Variants in N4BP1 observed in about 807,000 individuals in gnomAD.
The protein encoded by N4BP1 is NEDD4-binding protein 1.
In N4BP1, 21 loss-of-function variants were observed where a neutral mutation model predicts 70.9. The observed-to-expected ratio is 0.30, with a 90% CI of 0.21 to 0.43. The LOEUF (loss-of-function observed/expected upper bound fraction) is 0.43, where lower values mean the gene tolerates loss of function less well. Ranked by LOEUF, N4BP1 falls within the 20% of genes least tolerant of loss-of-function variation. The probability of loss-of-function intolerance (pLI) is 1.00; values close to 1 mark genes in which losing one functional copy is unlikely to be tolerated. For synonymous variants in N4BP1, 387 were observed against 394.6 expected, an observed-to-expected ratio of 0.98 and a Z score of 0.23; for missense variants, 936 against 1,069.4, an observed-to-expected ratio of 0.88 and a Z score of 1.74.
At chr16:48,585,690 C>T (rs922753585) in intron 1 of N4BP1, among the ~76,000 whole-genome samples, 1 of 151,314 alleles carries the variant, frequency 6.6e-6, no homozygotes, top group African/African-American at 2.4e-5. Context: ...AGGCATGTGC[C>T]ATCATGCCTG....
intron 1 of N4BP1, among the ~76,000 whole-genome samples, chr16:48,593,559 A>G (rs1223097855): frequency 6.6e-6 from 1 of 152,248 alleles, no homozygotes; most frequent in African/African-American, 2.4e-5. Flanking sequence ...CTGTTTTTCC[A>G]TAAATTGAAC....
Position 48,542,730 on chromosome 16 carries a change from AAAAAAGCTGGTTTT to A in N4BP1, c.*160_*173del, listed in dbSNP as rs749637417. 8 of 510,250 alleles carry A rather than the reference AAAAAAGCTGGTTTT, an allele frequency of 1.6e-5. No homozygotes were observed. The highest frequency in any genetic ancestry group is 2.4e-5 in the Non-Finnish European group (7 of 295,970). 31.6% of individuals were successfully genotyped at this position (510,250 alleles called of 1,614,324 possible). A position where few individuals can be genotyped will look rare whatever the true frequency, so the allele number is the denominator to read the frequency against. ...TAATAGCAGCATAATTTATATATAG[AAAAAAGCTGGTTTT>A]GAAAACCCAGATTTATACCCAAAAC... On this transcript the variant is annotated 3_prime_UTR_variant, in exon 7 of 7. Coordinates refer to ENST00000262384, the MANE Select transcript of N4BP1 (RefSeq NM_153029.4).
chr16:48,572,102 G>A (rs1597101168), intron 1 of N4BP1, among the ~76,000 whole-genome samples: 1 of 152,138 alleles, frequency 6.6e-6, no homozygotes, highest in African/African-American at 2.4e-5. Context: ...CGGAGACTGA[G>A]GTGAGTGGGT....
In N4BP1 at chr16:48,542,886, C is replaced by G. The variant is rs570902054; in HGVS notation, c.*18G>C. On this transcript the variant is annotated 3_prime_UTR_variant, in exon 7 of 7. Transcript: ENST00000262384. The stretch of plus-strand genomic sequence containing the variant: ...GATCAGCCAGCCCTGAGCGCAAGCT[C>G]AGCGCTCAGCACAATCTTCAATCCA... 4.4e-5 allele frequency: 69 copies of G among 1,577,252 alleles called. No individual in the cohort carries two copies. The South Asian group carries it at 7.4e-4, about 17-fold the overall frequency.
At chr16:48,550,656 C>A (rs1963652443) in intron 4 of N4BP1, among the ~76,000 whole-genome samples, 1 of 152,124 alleles carries the variant, frequency 6.6e-6, no homozygotes, top group Non-Finnish European at 1.5e-5. Flanking sequence ...GTAATCTCAG[C>A]ACTTTGGGAG....
At position 48,561,901 on chromosome 16, in the gene N4BP1, T is replaced by C. The variant is rs1454168940; in HGVS notation, c.742A>G (p.Thr248Ala). ...NKAGTPVSEL[T>A]KQMDTVLSSS... ...GAAAGGACTGTGTCCATTTGTTTTG[T>C]AAGCTCAGAAACAGGAGTCCCAGCT... is the stretch of plus-strand genomic sequence containing the variant. Residue 248 changes from threonine to alanine, a missense_variant, in exon 2 of 7, where the codon ACA (threonine) becomes GCA (alanine). Physicochemically the swap from Thr to Ala is moderately conservative, Grantham distance 58. This residue lies in a region of N4BP1 where 515 missense variants were observed against 491.7 expected (regional missense o/e 1.05). Transcript: ENST00000262384. 4 of 1,613,866 alleles carry C rather than the reference T, an allele frequency of 2.5e-6. No homozygotes were observed. The East Asian group carries it at 6.7e-5, about 27-fold the overall frequency.
chr16:48,569,258 T>C (rs1963983204), intron 1 of N4BP1, among the ~76,000 whole-genome samples: 1 of 152,160 alleles, frequency 6.6e-6, no homozygotes, highest in Non-Finnish European at 1.5e-5. Context: ...TTCAATCTTG[T>C]TTAAATCTTA....
intron 1 of N4BP1, among the ~76,000 whole-genome samples, chr16:48,584,015 G>A (rs1359424575): frequency 2.0e-5 from 3 of 152,138 alleles, no homozygotes; most frequent in Admixed American, 6.5e-5. Context: ...ATGTGTTTTC[G>A]TTTGATGATT....
intron 1 of N4BP1, among the ~76,000 whole-genome samples, chr16:48,602,788 AAAAAAT>A (rs1964521590): frequency 8.1e-6 from 1 of 123,664 alleles, no homozygotes; most frequent in Middle Eastern, 3.3e-3. Flanking sequence ...CCATCTCTAT[AAAAAAT>A]AAAAATAAAT....
intron 1 of N4BP1, among the ~76,000 whole-genome samples, chr16:48,582,203 A>G (rs1175742634): frequency 6.6e-6 from 1 of 152,182 alleles, no homozygotes; most frequent in Non-Finnish European, 1.5e-5. Flanking sequence ...GTCCCCCCTT[A>G]TGTGTGGTTT....
chr16:48,579,578 G>A (rs1964147466), intron 1 of N4BP1, among the ~76,000 whole-genome samples: 1 of 151,464 alleles, frequency 6.6e-6, no homozygotes, highest in Non-Finnish European at 1.5e-5. Context: ...AACCCAAAAG[G>A]TTACAATGTT....
In N4BP1 at chr16:48,574,252, A is replaced by T. The variant is rs570938930; in HGVS notation, c.199-11808T>A. ...ACACTTCCCACCTTCTACTTTTAATAAAAAAATTTTCAAGTGGATGCATAA... is the reference window on the plus strand; with the variant it reads ...ACACTTCCCACCTTCTACTTTTAATTAAAAAATTTTCAAGTGGATGCATAA... On this transcript the variant is annotated intron_variant, in intron 1 of 6. Coordinates refer to ENST00000262384, the MANE Select transcript of N4BP1 (RefSeq NM_153029.4). 1.1e-4 allele frequency among the ~76,000 whole-genome samples: 16 copies of T among 152,292 alleles called. 1 individual carries two copies. The South Asian group carries it at 1.5e-3, about 14-fold the overall frequency.
At chr16:48,554,129 C>A (rs1449563501) in intron 2 of N4BP1, among the ~76,000 whole-genome samples, 1 of 150,930 alleles carries the variant, frequency 6.6e-6, no homozygotes, top group African/African-American at 2.4e-5. Flanking sequence ...TAATGGGGGG[C>A]CGTGAAAGGC....
chr16:48,599,246 C>T (rs1246283785), intron 1 of N4BP1, among the ~76,000 whole-genome samples: 1 of 152,176 alleles, frequency 6.6e-6, no homozygotes, highest in African/African-American at 2.4e-5. Flanking sequence ...AGGGCTGCAA[C>T]TACAGTTGCA....
intron 1 of N4BP1, among the ~76,000 whole-genome samples, chr16:48,563,869 T>A (rs1024838768): frequency 1.3e-5 from 2 of 152,230 alleles, no homozygotes; most frequent in Admixed American, 6.5e-5. Context: ...GTAATTAGCA[T>A]ATCCATTTCA....
At chr16:48,574,527 A>G (rs954570217) in intron 1 of N4BP1, among the ~76,000 whole-genome samples, 1 of 152,242 alleles carries the variant, frequency 6.6e-6, no homozygotes, top group African/African-American at 2.4e-5. Flanking sequence ...TCCATACTAT[A>G]CAACCAAAAT....
chr16:48,602,277 G>C (rs1964513516), intron 1 of N4BP1, among the ~76,000 whole-genome samples: 1 of 152,116 alleles, frequency 6.6e-6, no homozygotes, highest in Non-Finnish European at 1.5e-5. Flanking sequence ...AAAAACTGAT[G>C]TTTAAAAAAG....
intron 1 of N4BP1, among the ~76,000 whole-genome samples, chr16:48,598,710 G>A (rs1435428693): frequency 6.6e-6 from 1 of 152,120 alleles, no homozygotes; most frequent in Non-Finnish European, 1.5e-5. Context: ...AGGCAAAATT[G>A]ATAAAGCACA....
chr16:48,561,745 A>G lies in N4BP1; in HGVS notation c.898T>C (p.Ser300Pro), dbSNP rs751670285. The G allele has an allele frequency of 6.2e-7, 1 of 1,612,420 alleles. No homozygotes were observed. Among genetic ancestry groups the G allele is most frequent in the Admixed American group, 1.7e-5 (1 of 60,022 alleles). The part of the protein sequence containing the change: ...SEERHTKKQF[S>P]LENVQEGEIL... ...TCCCCCTCCTGAACATTTTCCAAAG[A>G]AAACTGCTTCTTCGTATGCCTTTCT... The change falls in exon 2 of 7, where the codon TCT (serine) becomes CCT (proline). Residue 300 changes from serine (S) to proline (P), a missense_variant. Coordinates refer to ENST00000262384, the MANE Select transcript of N4BP1 (RefSeq NM_153029.4).
Sources: gnomAD v4.1 joint callset for allele counts (sites outside exome capture counted in the v4.1 genomes callset) on GRCh38, gnomAD v4.1.1 for gene constraint, gnomAD v4.1.1 regional missense constraint, MANE v1.5 for transcripts, NCBI Gene and HGNC (gene_info 2026-07-23, HGNC 2026-07-21) for gene names.